Variants in HS3ST4 observed in about 807,000 individuals in gnomAD.
HS3ST4 encodes heparan sulfate-glucosamine 3-sulfotransferase 4.
Under a neutral mutation model 29.2 loss-of-function variants are expected in HS3ST4, and 17 were observed. The observed-to-expected ratio is 0.58, with a 90% CI of 0.40 to 0.87. The LOEUF (loss-of-function observed/expected upper bound fraction) is 0.87, where lower values mean the gene tolerates loss of function less well. Ranked by LOEUF, HS3ST4 falls within the 40% of genes least tolerant of loss-of-function variation. HS3ST4 has a pLI of 0.00. For missense variants in HS3ST4, 627 were observed against 634.5 expected (o/e 0.99, Z 0.13); for synonymous variants, 314 against 285.7 (o/e 1.10, Z -1.00).
At chr16:25,880,652 C>A (rs1967885145) in intron 1 of HS3ST4, among the ~76,000 whole-genome samples, 1 of 152,138 alleles carries the variant, frequency 6.6e-6, no homozygotes, top group South Asian at 2.1e-4. Context: ...TTGTCACCTC[C>A]CCCTCCCCAC....
At chr16:25,850,416 G>T (rs9925299) in intron 1 of HS3ST4, among the ~76,000 whole-genome samples, 44,435 of 152,028 alleles carry the variant, frequency 0.29, 6,940 homozygotes, top group Admixed American at 0.35. Context: ...AGTTGAAATA[G>T]CTAACCTCTT....
intron 1 of HS3ST4, among the ~76,000 whole-genome samples, chr16:25,762,129 C>T (rs1966792134): frequency 6.6e-6 from 1 of 152,144 alleles, no homozygotes; most frequent in South Asian, 2.1e-4. Context: ...GAGGATGTAA[C>T]CGAGAAAGGG....
intron 1 of HS3ST4, among the ~76,000 whole-genome samples, chr16:26,042,635 T>C (rs949277278): frequency 6.6e-6 from 1 of 152,230 alleles, no homozygotes; most frequent in African/African-American, 2.4e-5. Context: ...TTTAACATGA[T>C]CCAACTGGGA....
chr16:25,918,978 A>G (rs1968319857), intron 1 of HS3ST4, among the ~76,000 whole-genome samples: 1 of 152,166 alleles, frequency 6.6e-6, no homozygotes, highest in South Asian at 2.1e-4. Flanking sequence ...AAATCTTTCC[A>G]TGTTTTCCAG....
chr16:25,762,471 G>A (rs928013297), intron 1 of HS3ST4, among the ~76,000 whole-genome samples: 12 of 152,136 alleles, frequency 7.9e-5, no homozygotes, highest in Non-Finnish European at 1.3e-4. Flanking sequence ...TAGACCAGCC[G>A]ACAGAAGGAG....
At chr16:26,035,493 T>G (rs1969574194) in intron 1 of HS3ST4, among the ~76,000 whole-genome samples, 1 of 152,254 alleles carries the variant, frequency 6.6e-6, no homozygotes. Context: ...CAGAGCTACC[T>G]CTATTGGTGA....
At chr16:26,037,338 C>G (rs749162911) in intron 1 of HS3ST4, among the ~76,000 whole-genome samples, 1 of 152,184 alleles carries the variant, frequency 6.6e-6, no homozygotes, top group Non-Finnish European at 1.5e-5. Context: ...GCCCAAGTTG[C>G]CTCTTTCTTG....
intron 1 of HS3ST4, among the ~76,000 whole-genome samples, chr16:25,712,414 G>A (rs981194975): frequency 7.2e-5 from 11 of 152,158 alleles, no homozygotes; most frequent in South Asian, 2.1e-4. Flanking sequence ...CCAGTTACTC[G>A]GGAGGCTGAG....
At chr16:25,850,458 C>A (rs1967507830) in intron 1 of HS3ST4, among the ~76,000 whole-genome samples, 1 of 152,168 alleles carries the variant, frequency 6.6e-6, no homozygotes, top group African/African-American at 2.4e-5. Flanking sequence ...GCCTAGCCCC[C>A]CAAATAAGCA....
chr16:26,019,933 T>C (rs1418432907), intron 1 of HS3ST4, among the ~76,000 whole-genome samples: 2 of 152,160 alleles, frequency 1.3e-5, no homozygotes, highest in African/African-American at 4.8e-5. Context: ...ATCCCCAGCC[T>C]GACTGACACC....
At chr16:25,884,360 T>A (rs1378778115) in intron 1 of HS3ST4, among the ~76,000 whole-genome samples, 1 of 152,150 alleles carries the variant, frequency 6.6e-6, no homozygotes. Context: ...TATTACAGAA[T>A]TCATCACTGG....
intron 1 of HS3ST4, among the ~76,000 whole-genome samples, chr16:25,730,208 T>C (rs1017375302): frequency 3.3e-5 from 5 of 152,174 alleles, no homozygotes; most frequent in African/African-American, 9.6e-5. Flanking sequence ...CTATTTTTGG[T>C]GTTTTTCAAG....
At chr16:26,120,473 T>G (rs1899261367) in intron 1 of HS3ST4, among the ~76,000 whole-genome samples, 1 of 152,234 alleles carries the variant, frequency 6.6e-6, no homozygotes, top group African/African-American at 2.4e-5. Context: ...GTCGTTCTTC[T>G]GTCGTAGCCA....
At chr16:25,728,267 T>G (rs1349656583) in intron 1 of HS3ST4, among the ~76,000 whole-genome samples, 5 of 152,194 alleles carry the variant, frequency 3.3e-5, no homozygotes, top group African/African-American at 4.8e-5. Context: ...CTCAAAGTGC[T>G]TGGATTACAG....
intron 1 of HS3ST4, among the ~76,000 whole-genome samples, chr16:25,919,580 A>G (rs1362690642): frequency 1.3e-5 from 2 of 152,298 alleles, no homozygotes; most frequent in Middle Eastern, 3.4e-3. Flanking sequence ...TAGGGAGATA[A>G]GGTTGAGTGA....
At position 26,136,476 on chromosome 16, in the gene HS3ST4, A is replaced by G. The variant is rs1008649958; in HGVS notation, c.*228A>G. ...TCTGGGCAGCAGCATCTGGTTGACCAGATGGCCACCAGAACCCACTGTTCA... is the reference window on the plus strand; with the variant it reads ...TCTGGGCAGCAGCATCTGGTTGACCGGATGGCCACCAGAACCCACTGTTCA... On this transcript the variant is annotated 3_prime_UTR_variant, in exon 2 of 2. Coordinates refer to ENST00000331351, the MANE Select transcript of HS3ST4 (RefSeq NM_006040.3). The G allele has an allele frequency of 1.2e-5, 7 of 573,124 alleles. 1 individual carries two copies. Among genetic ancestry groups the G allele is most frequent in the African/African-American group, 7.5e-5 (4 of 53,478 alleles). 35.5% of individuals were successfully genotyped at this position (573,124 alleles called of 1,614,324 possible).
chr16:25,912,844 C>T (rs1394450591), intron 1 of HS3ST4, among the ~76,000 whole-genome samples: 1 of 152,174 alleles, frequency 6.6e-6, no homozygotes, highest in Non-Finnish European at 1.5e-5. Context: ...ATAGATAATT[C>T]ATCTGTTTAG....
At chr16:26,076,227 G>A (rs1181886675) in intron 1 of HS3ST4, among the ~76,000 whole-genome samples, 1 of 152,216 alleles carries the variant, frequency 6.6e-6, no homozygotes, top group Non-Finnish European at 1.5e-5. Context: ...TTGTAGCTGT[G>A]TGGGTTCAAT....
chr16:25,809,670 C>T (rs1330427762), intron 1 of HS3ST4, among the ~76,000 whole-genome samples: 1 of 151,948 alleles, frequency 6.6e-6, no homozygotes, highest in Non-Finnish European at 1.5e-5. Context: ...ATTATAAATT[C>T]AATTTCTTTT....
Sources: allele counts gnomAD v4.1 joint callset (sites outside exome capture counted in the v4.1 genomes callset), GRCh38; gene constraint gnomAD v4.1.1; transcripts MANE v1.5; gene names NCBI Gene and HGNC (gene_info 2026-07-23, HGNC 2026-07-21).